The following MAPRE1 variants were observed in gnomAD, a reference collection of about 807,000 sequenced individuals.
MAPRE1 encodes the protein microtubule-associated protein RP/EB family member 1.
Under a neutral mutation model 32.1 loss-of-function variants are expected in MAPRE1, and 5 were observed. The ratio of observed to expected loss-of-function variants is 0.16; its 90% CI spans 0.08 to 0.33. The LOEUF is 0.33. Ranked by LOEUF, MAPRE1 falls within the 10% of genes least tolerant of loss-of-function variation. MAPRE1 has a pLI of 1.00. For synonymous variants in MAPRE1, 122 were observed against 118.9 expected (o/e 1.03, Z -0.17); for missense variants, 209 against 327.2 (o/e 0.64, Z 2.79).
At chr20:32,830,345 C>A (rs1015441218) in intron 2 of MAPRE1, among the ~76,000 whole-genome samples, 23 of 152,292 alleles carry the variant, frequency 1.5e-4, no homozygotes, top group African/African-American at 4.8e-4. Context: ...CCAGGCCTCT[C>A]CCAGCTCAGA....
intron 2 of MAPRE1, among the ~76,000 whole-genome samples, chr20:32,828,086 G>A (rs895042860): frequency 6.6e-6 from 1 of 152,106 alleles, no homozygotes; most frequent in Non-Finnish European, 1.5e-5. Context: ...GGCTACGTGT[G>A]AAGCTGTACA....
chr20:32,846,403 G>C (rs1345639764), intron 5 of MAPRE1, among the ~76,000 whole-genome samples: 6 of 152,176 alleles, frequency 3.9e-5, no homozygotes, highest in Admixed American at 3.9e-4. Flanking sequence ...TCAAGGGGTA[G>C]TCTGCTCTTT....
At chr20:32,843,772 C>T (rs918365556) in intron 5 of MAPRE1, among the ~76,000 whole-genome samples, 1 of 151,836 alleles carries the variant, frequency 6.6e-6, no homozygotes, top group Non-Finnish European at 1.5e-5. Context: ...GAAACACTGA[C>T]TTGGGGCTTC....
chr20:32,849,538 T>C lies in MAPRE1; in HGVS notation c.*810T>C, dbSNP rs1983591280. 6.6e-6 allele frequency: 1 copy of C among 152,522 alleles called. No individual in the cohort carries two copies. Among genetic ancestry groups the C allele is most frequent in the South Asian group, 2.1e-4 (1 of 4,832 alleles). The allele number at this position is 152,522 out of a possible 1,614,324, so 9.4% of individuals were successfully genotyped here. ...GTGAGGTGTGCCCAGTTTTTTAATCTAACAACTACTTTTGGGGACTTGCCC... is the reference window on the plus strand; with the variant it reads ...GTGAGGTGTGCCCAGTTTTTTAATCCAACAACTACTTTTGGGGACTTGCCC... On this transcript the variant is annotated 3_prime_UTR_variant, in exon 7 of 7. Coordinates refer to ENST00000375571, the MANE Select transcript of MAPRE1 (RefSeq NM_012325.3).
Position 32,849,344 on chromosome 20 carries a change from T to A in MAPRE1, c.*616T>A, listed in dbSNP as rs1983587808. ...AGTTGCCCTGTAAAGTTATTTGGTG[T>A]CATTGACCAATTGCATCCCAGCTAA... is the stretch of plus-strand genomic sequence containing the variant. On this transcript the variant is annotated 3_prime_UTR_variant, in exon 7 of 7. Transcript: ENST00000375571. 1 of 152,230 alleles carries A rather than the reference T, an allele frequency of 6.6e-6. No homozygotes were observed. Among genetic ancestry groups the A allele is most frequent in the Admixed American group, 6.5e-5 (1 of 15,270 alleles). The allele number at this position is 152,230 out of a possible 1,614,324, so 9.4% of individuals were successfully genotyped here.
chr20:32,826,236 T>TTGA (rs1491215602), intron 2 of MAPRE1, among the ~76,000 whole-genome samples, 188 bp downstream of exon 2: 2 of 104,982 alleles, frequency 1.9e-5, no homozygotes, highest in African/African-American at 7.9e-5. Flanking sequence ...TTTTTTTTTT[T>TTGA]GACAGAGTCT....
At chr20:32,821,669 G>A (rs1982706578) in intron 1 of MAPRE1, among the ~76,000 whole-genome samples, 1 of 152,246 alleles carries the variant, frequency 6.6e-6, no homozygotes, top group Admixed American at 6.5e-5. Flanking sequence ...GGAAGATTAA[G>A]TGACTTGCCC....
chr20:32,822,121 A>G (rs1451576670), intron 1 of MAPRE1, among the ~76,000 whole-genome samples: 1 of 152,152 alleles, frequency 6.6e-6, no homozygotes, highest in Non-Finnish European at 1.5e-5. Flanking sequence ...TGCTAATGAA[A>G]GTTTTAAATT....
At chr20:32,830,775 T>C (rs242547) in intron 2 of MAPRE1, among the ~76,000 whole-genome samples, 102,842 of 149,864 alleles carry the variant, frequency 0.69, 37,415 homozygotes, top group East Asian at 1. Flanking sequence ...CTCGCTCTGT[T>C]GCCCAGGCTG....
At position 32,838,310 on chromosome 20, in the gene MAPRE1, A is replaced by G. The variant is rs1270706528; in HGVS notation, c.476-1425A>G. On this transcript the variant is annotated intron_variant, in intron 4 of 6. Coordinates refer to ENST00000375571, the MANE Select transcript of MAPRE1 (RefSeq NM_012325.3). ...TTTCAAGGTTCATCCATGCCCTAGC[A>G]TGTATCAGTCCTTCATTCTTTTTTA... 2.6e-5 allele frequency among the ~76,000 whole-genome samples: 4 copies of G among 152,292 alleles called. No individual in the cohort carries two copies. The East Asian group carries it at 7.7e-4, about 29-fold the overall frequency.
intron 3 of MAPRE1, among the ~76,000 whole-genome samples, chr20:32,834,448 A>G (rs1371651827): frequency 6.6e-6 from 1 of 152,158 alleles, no homozygotes; most frequent in Non-Finnish European, 1.5e-5. Flanking sequence ...GTTTAGCACA[A>G]ATATTACCTC....
chr20:32,834,245 G>A (rs1372946700), intron 3 of MAPRE1, among the ~76,000 whole-genome samples: 1 of 152,204 alleles, frequency 6.6e-6, no homozygotes, highest in Non-Finnish European at 1.5e-5. Context: ...TCTAGGCCAG[G>A]CGTGGTGGCT....
At chr20:32,825,463 C>T (rs1018618281) in intron 1 of MAPRE1, among the ~76,000 whole-genome samples, 4 of 152,124 alleles carry the variant, frequency 2.6e-5, no homozygotes, top group South Asian at 2.1e-4. Flanking sequence ...TAGTGTCTCT[C>T]GTTTGGCCTC....
chr20:32,821,162 C>T (rs1472494619), intron 1 of MAPRE1, among the ~76,000 whole-genome samples: 1 of 152,060 alleles, frequency 6.6e-6, no homozygotes, highest in Non-Finnish European at 1.5e-5. Context: ...ATTACAGGCG[C>T]GCGCCACCAA....
At chr20:32,830,288 T>C (rs1982980272) in intron 2 of MAPRE1, among the ~76,000 whole-genome samples, 1 of 152,190 alleles carries the variant, frequency 6.6e-6, no homozygotes, top group South Asian at 2.1e-4. Flanking sequence ...GCTGCACTGC[T>C]AATGACATGG....
intron 3 of MAPRE1, among the ~76,000 whole-genome samples, chr20:32,835,364 G>GTTTTTTTTTTTTTGT (rs1983163245): frequency 9.4e-6 from 1 of 106,658 alleles, no homozygotes; most frequent in African/African-American, 4.7e-5. Context: ...TTTTATTGGT[G>GTTTTTTTTTTTTTGT]TTTTTTTTTT....
chr20:32,824,669 A>C (rs1221721840), intron 1 of MAPRE1, among the ~76,000 whole-genome samples: 1 of 151,076 alleles, frequency 6.6e-6, no homozygotes, highest in East Asian at 2.0e-4. Flanking sequence ...TTCAATTATG[A>C]AAGAATTTAT....
chr20:32,838,805 T>C (rs1053851663), intron 4 of MAPRE1, among the ~76,000 whole-genome samples: 1 of 152,192 alleles, frequency 6.6e-6, no homozygotes, highest in Admixed American at 6.5e-5. Context: ...AGGAAATGCC[T>C]ATTACTGTGG....
intron 1 of MAPRE1, among the ~76,000 whole-genome samples, chr20:32,821,224 C>T (rs1982692270): frequency 6.6e-6 from 1 of 152,186 alleles, no homozygotes; most frequent in African/African-American, 2.4e-5. Flanking sequence ...GCCATGTTGG[C>T]CAGGCTGTTG....
Sources: allele counts gnomAD v4.1 joint callset (sites outside exome capture counted in the v4.1 genomes callset), GRCh38; gene constraint gnomAD v4.1.1; transcripts MANE v1.5; gene names NCBI Gene and HGNC (gene_info 2026-07-23, HGNC 2026-07-21).